NAV2: variants seen among roughly 807,000 people sequenced by gnomAD.
NAV2 encodes the protein neuron navigator 2.
NAV2 carries 54 observed loss-of-function variants against 223.2 expected under a neutral mutation model. That is an observed-to-expected ratio of 0.24 (90% CI 0.19 to 0.30). The LOEUF (loss-of-function observed/expected upper bound fraction) is 0.30. Ranked by LOEUF, NAV2 falls within the 10% of genes least tolerant of loss-of-function variation. The pLI is 1.00. For synonymous variants in NAV2, 1,279 were observed against 1,239.3 expected, an observed-to-expected ratio of 1.03 and a Z score of -0.67; for missense variants, 2,806 against 3,147.5, an observed-to-expected ratio of 0.89 and a Z score of 2.60.
intron 1 of NAV2, among the ~76,000 whole-genome samples, chr11:19,478,666 C>G (rs542343323): frequency 6.6e-6 from 1 of 152,188 alleles, no homozygotes; most frequent in African/African-American, 2.4e-5. Flanking sequence ...CTTGACCAAC[C>G]AAGACAAAAG....
At chr11:19,471,712 A>G (rs2041970506) in intron 1 of NAV2, among the ~76,000 whole-genome samples, 1 of 152,192 alleles carries the variant, frequency 6.6e-6, no homozygotes. Flanking sequence ...TTTGATTTTC[A>G]ACCAGCAAAC....
At chr11:19,776,644 G>GTT (rs2056224833) in intron 1 of NAV2, among the ~76,000 whole-genome samples, 1 of 146,494 alleles carries the variant, frequency 6.8e-6, no homozygotes, top group African/African-American at 2.6e-5. Context: ...GTGTGTGTGT[G>GTT]TGTGTGTGTG....
At chr11:19,999,715 T>C (rs2568125) in intron 11 of NAV2, among the ~76,000 whole-genome samples, 26,353 of 152,086 alleles carry the variant, frequency 0.17, 2,557 homozygotes, top group Admixed American at 0.25. Context: ...CAAGTTCAGA[T>C]GCTGACTGTG....
chr11:20,059,415 C>A (rs941603504), intron 19 of NAV2, among the ~76,000 whole-genome samples: 14 of 152,164 alleles, frequency 9.2e-5, no homozygotes, highest in Non-Finnish European at 4.4e-5. Context: ...GGGTCAGAGG[C>A]ACTTGATTGC....
At chr11:19,360,342 G>A (rs539186400) in intron 1 of NAV2, among the ~76,000 whole-genome samples, 1 of 152,254 alleles carries the variant, frequency 6.6e-6, no homozygotes, top group African/African-American at 2.4e-5. Flanking sequence ...TCCTTGACAT[G>A]TCCTCTTGGT....
chr11:19,555,862 G>T (rs1375108254), intron 1 of NAV2, among the ~76,000 whole-genome samples: 1 of 134,544 alleles, frequency 7.4e-6, no homozygotes, highest in Non-Finnish European at 1.6e-5. Context: ...CCCAGCCCCA[G>T]CCCCAGCCTG....
At chr11:19,584,851 T>A (rs1362149874) in intron 1 of NAV2, among the ~76,000 whole-genome samples, 4 of 152,250 alleles carry the variant, frequency 2.6e-5, no homozygotes, top group African/African-American at 4.8e-5. Flanking sequence ...AGAATGTATA[T>A]TCTGTTGATT....
At chr11:19,577,588 C>G (rs1218798243) in intron 1 of NAV2, among the ~76,000 whole-genome samples, 1 of 152,252 alleles carries the variant, frequency 6.6e-6, no homozygotes, top group Non-Finnish European at 1.5e-5. Context: ...GCAGATCTCT[C>G]AACAAAATGT....
At position 19,948,829 on chromosome 11, in the gene NAV2, C is replaced by T. The variant is rs2047148719; in HGVS notation, c.2394C>T (p.Pro798=). 2 of 1,614,064 alleles carry T rather than the reference C, an allele frequency of 1.2e-6. No individual in the cohort carries two copies. Among genetic ancestry groups the T allele is most frequent in the African/African-American group, 1.3e-5 (1 of 75,000 alleles). The change falls in exon 10 of 38, where the codon CCC becomes CCT. Residue 798 remains proline (P), a synonymous_variant. Coordinates refer to ENST00000349880, the MANE Select transcript of NAV2 (RefSeq NM_145117.5). ...CTCGGCTCCAAGCAGGAGACGCCCC[C>T]TCAATGGGCAATGGGTATCCCCCTC... ...SSPRLQAGDA[P]SMGNGYPPRA...
chr11:19,999,017 A>T (rs1437888913), intron 11 of NAV2, among the ~76,000 whole-genome samples: 1 of 152,232 alleles, frequency 6.6e-6, no homozygotes, highest in East Asian at 1.9e-4. Flanking sequence ...TATTACATAT[A>T]CCATGAAGGA....
chr11:19,513,562 G>A (rs1365709662), intron 1 of NAV2, among the ~76,000 whole-genome samples: 1 of 152,098 alleles, frequency 6.6e-6, no homozygotes, highest in Non-Finnish European at 1.5e-5. Context: ...TGAAGCACAG[G>A]CATGCTTGGC....
intron 11 of NAV2, among the ~76,000 whole-genome samples, chr11:19,995,508 C>A (rs1251675724): frequency 2.0e-5 from 3 of 152,158 alleles, no homozygotes; most frequent in Non-Finnish European, 4.4e-5. Flanking sequence ...AAAGCTAAGC[C>A]TAGGGTAAGC....
intron 1 of NAV2, among the ~76,000 whole-genome samples, chr11:19,699,655 G>T (rs978895921): frequency 2.6e-5 from 4 of 152,194 alleles, no homozygotes; most frequent in Non-Finnish European, 5.9e-5. Context: ...TAGAAGAGTA[G>T]TGCAGCACCT....
At chr11:19,758,017 T>C (rs932145034) in intron 1 of NAV2, among the ~76,000 whole-genome samples, 1 of 152,216 alleles carries the variant, frequency 6.6e-6, no homozygotes. Context: ...AAAAATATTA[T>C]ACATTGTCTC....
chr11:20,044,357 T>C lies in NAV2; in HGVS notation c.3199+85T>C, dbSNP rs1326848472. The C allele has an allele frequency of 4.8e-6, 6 of 1,238,714 alleles. No individual in the cohort carries two copies. The Admixed American group carries it at 1.3e-4, about 26-fold the overall frequency. 76.7% of individuals were successfully genotyped at this position (1,238,714 alleles called of 1,614,324 possible). On this transcript the variant is annotated intron_variant, in intron 13 of 37. Coordinates refer to ENST00000349880, the MANE Select transcript of NAV2 (RefSeq NM_145117.5). Reference sequence around the variant, plus strand: ...TAACTCTAGCAAGGACTTGACATTATATATTTTGTCTCAGGATTTATACTC... The same window carrying C: ...TAACTCTAGCAAGGACTTGACATTACATATTTTGTCTCAGGATTTATACTC...
At chr11:19,359,082 C>A (rs1227494995) in intron 1 of NAV2, among the ~76,000 whole-genome samples, 1 of 152,148 alleles carries the variant, frequency 6.6e-6, no homozygotes, top group Non-Finnish European at 1.5e-5. Context: ...AGTTGACATT[C>A]CAAATGAGAG....
chr11:19,600,636 G>A (rs187473530), intron 1 of NAV2, among the ~76,000 whole-genome samples: 154 of 152,270 alleles, frequency 1.0e-3, no homozygotes, highest in Non-Finnish European at 1.8e-3. Context: ...TGATTTGGGC[G>A]GGTTTCTTAG....
chr11:19,383,726 G>C (rs1443930449), intron 1 of NAV2, among the ~76,000 whole-genome samples: 1 of 152,222 alleles, frequency 6.6e-6, no homozygotes, highest in African/African-American at 2.4e-5. Context: ...GTATTGCAAC[G>C]CATCAGAAGT....
At chr11:20,077,431 G>T in intron 22 of NAV2, 121 bp from the exon 23 acceptor site, 1 of 676,024 alleles carries the variant, frequency 1.5e-6, no homozygotes, top group African/African-American at 1.8e-5. Context: ...GATTCAAGAG[G>T]AGGCTGAAAA....
Sources: allele counts gnomAD v4.1 joint callset (sites outside exome capture counted in the v4.1 genomes callset), GRCh38; gene constraint gnomAD v4.1.1; transcripts MANE v1.5; gene names NCBI Gene and HGNC (gene_info 2026-07-23, HGNC 2026-07-21).